Variants in CSMD1 observed in about 807,000 individuals in gnomAD.
The protein encoded by CSMD1 is CUB and sushi domain-containing protein 1.
Under a neutral mutation model 417.5 loss-of-function variants are expected in CSMD1, and 213 were observed. The ratio of observed to expected loss-of-function variants is 0.51; its 90% CI spans 0.46 to 0.57. The LOEUF is 0.57. Among genes scored for constraint, CSMD1 ranks in the 20% least tolerant of loss-of-function variants. The pLI is 0.00. For synonymous variants in CSMD1, 2,862 were observed against 1,736.8 expected (o/e 1.65, Z -16.11); for missense variants, 6,923 against 4,529.7 (o/e 1.53, Z -15.17).
Position 3,083,497 on chromosome 8 carries a change from G to T in CSMD1, c.7474+3600C>A, listed in dbSNP as rs1288908326. On this transcript the variant is annotated intron_variant, in intron 49 of 69. Transcript: ENST00000635120. ...ATATATTTTTGAGGCAGTCATCAAA[G>T]GGTCCTATTTGCACATCAGTAAGGA... 2.7e-5 allele frequency among the ~76,000 whole-genome samples: 4 copies of T among 147,730 alleles called. No homozygotes were observed. In the Admixed American group the frequency reaches 2.7e-4, roughly 10 times the overall value.
chr8:3,849,071 G>T (rs1042270122), intron 5 of CSMD1, among the ~76,000 whole-genome samples: 5 of 151,960 alleles, frequency 3.3e-5, no homozygotes, highest in African/African-American at 1.2e-4. Flanking sequence ...CAATATACAA[G>T]ATTCCATTTA....
At chr8:4,094,777 G>T (rs577142172) in intron 3 of CSMD1, among the ~76,000 whole-genome samples, 1 of 152,150 alleles carries the variant, frequency 6.6e-6, no homozygotes, top group African/African-American at 2.4e-5. Context: ...AGCTAACACT[G>T]CGCATGGAGT....
At chr8:3,375,959 T>G (rs1036124643) in intron 18 of CSMD1, among the ~76,000 whole-genome samples, 2 of 152,324 alleles carry the variant, frequency 1.3e-5, no homozygotes, top group African/African-American at 4.8e-5. Flanking sequence ...TCTCCAAAAT[T>G]GCCTCCAAGC....
chr8:3,271,296 T>A (rs919065506), intron 26 of CSMD1, among the ~76,000 whole-genome samples: 1 of 152,024 alleles, frequency 6.6e-6, no homozygotes, highest in African/African-American at 2.4e-5. Flanking sequence ...CCATGGTGTA[T>A]ATGTGCCACA....
intron 1 of CSMD1, among the ~76,000 whole-genome samples, chr8:4,670,960 C>G (rs1464237256): frequency 6.6e-6 from 1 of 152,162 alleles, no homozygotes; most frequent in Non-Finnish European, 1.5e-5. Context: ...CATATGACAT[C>G]CATGCTATCT....
At chr8:3,014,946 C>A (rs1808712228) in intron 52 of CSMD1, among the ~76,000 whole-genome samples, 1 of 152,006 alleles carries the variant, frequency 6.6e-6, no homozygotes, top group Non-Finnish European at 1.5e-5. Flanking sequence ...ATAAAAACCT[C>A]CTAACCTGTG....
rs1480620459 is a variant in CSMD1, at chr8:3,359,185, G to A, written c.3271C>T (p.Arg1091Cys). ...TKLTCLGGGR[R>C]VWSAPLPRCV... ...CTTGGCAGAGGTGCACTCCACACAC[G>A]GCGGCCCCCACCCAGGCAGGTAAGC... is the stretch of plus-strand genomic sequence containing the variant. Residue 1091 changes from arginine to cysteine, a missense_variant, in exon 21 of 70, where the codon CGT becomes TGT. By Grantham distance (180) the Arg-to-Cys change is radical. Coordinates refer to ENST00000635120, the MANE Select transcript of CSMD1 (RefSeq NM_033225.6). 20 of 1,613,772 alleles carry A rather than the reference G, an allele frequency of 1.2e-5. No individual in the cohort carries two copies. The highest frequency in any genetic ancestry group is 2.2e-5 in the East Asian group (1 of 44,844).
chr8:4,154,770 T>G (rs1439219766), intron 3 of CSMD1, among the ~76,000 whole-genome samples: 1 of 152,048 alleles, frequency 6.6e-6, no homozygotes, highest in Non-Finnish European at 1.5e-5. Flanking sequence ...GATATGAATA[T>G]CACTGATCAC....
intron 10 of CSMD1, among the ~76,000 whole-genome samples, chr8:3,524,720 G>GCA (rs199781035): frequency 1.6e-4 from 22 of 136,676 alleles, no homozygotes; most frequent in South Asian, 4.8e-4. Context: ...GCACATACAT[G>GCA]CACACACACA....
At chr8:3,572,050 C>A (rs1040719579) in intron 10 of CSMD1, among the ~76,000 whole-genome samples, 1 of 152,148 alleles carries the variant, frequency 6.6e-6, no homozygotes, top group Non-Finnish European at 1.5e-5. Context: ...GAAATTCCAC[C>A]TGTGAGTGGT....
At chr8:3,638,713 G>A (rs1024624807) in intron 7 of CSMD1, among the ~76,000 whole-genome samples, 13 of 152,164 alleles carry the variant, frequency 8.5e-5, no homozygotes, top group African/African-American at 2.9e-4. Flanking sequence ...AAAGGCTTGT[G>A]GTCAGAATAC....
chr8:4,358,965 TGC>T (rs937646844), intron 3 of CSMD1, among the ~76,000 whole-genome samples: 46 of 91,506 alleles, frequency 5.0e-4, no homozygotes, highest in African/African-American at 3.5e-3. Flanking sequence ...CAGAGTCTTG[TGC>T]ACACACACAC....
intron 2 of CSMD1, among the ~76,000 whole-genome samples, chr8:4,595,529 C>T (rs974281904): frequency 2.0e-5 from 3 of 152,032 alleles, no homozygotes; most frequent in African/African-American, 7.2e-5. Context: ...CTAATGTCTA[C>T]TGTAGACTAG....
chr8:3,940,963 C>G (rs1810842431), intron 5 of CSMD1, among the ~76,000 whole-genome samples: 1 of 150,736 alleles, frequency 6.6e-6, no homozygotes, highest in Non-Finnish European at 1.5e-5. Context: ...TCCAAATTGT[C>G]ATTTACTTTT....
intron 2 of CSMD1, among the ~76,000 whole-genome samples, chr8:4,549,288 T>C (rs1046466956): frequency 2.0e-5 from 3 of 152,072 alleles, no homozygotes; most frequent in African/African-American, 7.2e-5. Context: ...AACACCCAGG[T>C]GACTTGGAAT....
intron 3 of CSMD1, among the ~76,000 whole-genome samples, chr8:4,127,039 A>G (rs1180785491): frequency 2.0e-5 from 3 of 151,958 alleles, no homozygotes. Flanking sequence ...GGCCTCCAAA[A>G]TCATAGTTCA....
intron 2 of CSMD1, among the ~76,000 whole-genome samples, chr8:4,474,871 A>T (rs962634352): frequency 6.6e-6 from 1 of 152,200 alleles, no homozygotes; most frequent in Non-Finnish European, 1.5e-5. Flanking sequence ...GACTTTCTTA[A>T]CATTATTTTC....
rs1183081346 is a variant in CSMD1 at position 3,671,589 on chromosome 8, ATATATG to A, written c.1009+36819_1009+36824del. Among the ~76,000 whole-genome samples the A allele has an allele frequency of 1.6e-3, 176 of 112,298 alleles. 13 individuals are homozygous for A. The highest frequency in any genetic ancestry group is 2.1e-3 in the Non-Finnish European group (112 of 53,306). The allele number at this position is 112,298 out of a possible 152,430, so 73.7% of individuals were successfully genotyped here. On this transcript the variant is annotated intron_variant, in intron 7 of 69. Coordinates refer to ENST00000635120, the MANE Select transcript of CSMD1 (RefSeq NM_033225.6). ...TATATATATATATATATATATATAT[ATATATG>A]ATTAGTTCTATCTCTTTAGATAACC...
intron 36 of CSMD1, among the ~76,000 whole-genome samples, chr8:3,187,257 G>C (rs774673435): frequency 6.6e-6 from 1 of 152,192 alleles, no homozygotes; most frequent in Non-Finnish European, 1.5e-5. Flanking sequence ...TCATGCATCT[G>C]GAGGCAGGAT....
Sources: allele counts gnomAD v4.1 joint callset (sites outside exome capture counted in the v4.1 genomes callset), GRCh38; gene constraint gnomAD v4.1.1; transcripts MANE v1.5; gene names NCBI Gene and HGNC (gene_info 2026-07-23, HGNC 2026-07-21).